RFX3: variants seen among roughly 807,000 people sequenced by gnomAD.
RFX3 encodes transcription factor RFX3.
A neutral mutation model predicts 98.6 loss-of-function variants in RFX3; 14 were observed. The ratio of observed to expected loss-of-function variants is 0.14; its 90% CI spans 0.09 to 0.22. The LOEUF (loss-of-function observed/expected upper bound fraction) is 0.22, where lower values mean the gene tolerates loss of function less well. Among genes scored for constraint, RFX3 ranks in the 10% least tolerant of loss-of-function variants. The probability of loss-of-function intolerance (pLI) is 1.00; values close to 1 mark genes in which losing one functional copy is unlikely to be tolerated. For missense variants in RFX3, 639 were observed against 926.9 expected (o/e 0.69, Z 4.03); for synonymous variants, 383 against 328.4 (o/e 1.17, Z -1.80).
At chr9:3,364,267 T>C (rs1836795763) in intron 2 of RFX3, 1 of 155,918 alleles carries the variant, frequency 6.4e-6, no homozygotes, top group Non-Finnish European at 1.4e-5. Context: ...CTTTTTTTTT[T>C]CAATTTGAAA....
At chr9:3,283,155 T>A (rs1826130369) in intron 7 of RFX3, among the ~76,000 whole-genome samples, 1 of 151,728 alleles carries the variant, frequency 6.6e-6, no homozygotes, top group African/African-American at 2.4e-5. Context: ...CAATCAAAGT[T>A]AGAAACCACT....
rs1828399354 is a variant in RFX3, at chr9:3,299,552, T to C, written c.549+1994A>G. Among the ~76,000 whole-genome samples the C allele has an allele frequency of 2.0e-5, 3 of 151,770 alleles. No homozygotes were observed. The South Asian group carries it at 6.2e-4, about 31-fold the overall frequency. On this transcript the variant is annotated intron_variant, in intron 5 of 16. Coordinates refer to ENST00000617270, the MANE Select transcript of RFX3 (RefSeq NM_001282116.2). ...AGGATAGTTGGAGAAAGATTACCACTGCACAATCAACATTTGCGCCCACTC... is the reference window on the plus strand; with the variant it reads ...AGGATAGTTGGAGAAAGATTACCACCGCACAATCAACATTTGCGCCCACTC...
In RFX3 at chr9:3,424,359, T is replaced by G. The variant is rs1040815417; in HGVS notation, c.-8-28763A>C. On this transcript the variant is annotated intron_variant, in intron 1 of 16. Coordinates refer to ENST00000617270, the MANE Select transcript of RFX3 (RefSeq NM_001282116.2). Reference sequence around the variant, plus strand: ...AATTACATAATTGACTTTTTTTTTTTTTTTTTTTTTTTTTTTTTTTGAGAC... The same window carrying G: ...AATTACATAATTGACTTTTTTTTTTGTTTTTTTTTTTTTTTTTTTTGAGAC... Among the ~76,000 whole-genome samples the G allele has an allele frequency of 9.8e-5, 10 of 102,144 alleles. 1 individual carries two copies. The highest frequency in any genetic ancestry group is 3.9e-4 in the African/African-American group (10 of 25,524). The allele number at this position is 102,144 out of a possible 152,430, so 67.0% of individuals were successfully genotyped here.
chr9:3,473,751 G>C (rs138336401), intron 1 of RFX3, among the ~76,000 whole-genome samples: 1 of 152,234 alleles, frequency 6.6e-6, no homozygotes, highest in African/African-American at 2.4e-5. Flanking sequence ...TATTGTTATT[G>C]TAATTAGCTA....
chr9:3,514,934 T>C (rs2133867653), intron 1 of RFX3, among the ~76,000 whole-genome samples: 1 of 152,356 alleles, frequency 6.6e-6, no homozygotes, highest in Non-Finnish European at 1.5e-5. Context: ...TTTCATGTTT[T>C]TTATTAATGA....
intron 1 of RFX3, among the ~76,000 whole-genome samples, chr9:3,433,006 G>A (rs1844787732): frequency 6.6e-6 from 1 of 152,136 alleles, no homozygotes; most frequent in Non-Finnish European, 1.5e-5. Flanking sequence ...CCAAACCCAT[G>A]TATACCTAAA....
chr9:3,442,729 C>T (rs77850935), intron 1 of RFX3, among the ~76,000 whole-genome samples: 4,118 of 152,100 alleles, frequency 0.027, 202 homozygotes, highest in African/African-American at 0.095. Context: ...AAAATTATTC[C>T]AAAGTAAAAA....
chr9:3,424,850 GAAT>G (rs1278700904), intron 1 of RFX3, among the ~76,000 whole-genome samples: 1 of 152,034 alleles, frequency 6.6e-6, no homozygotes, highest in Non-Finnish European at 1.5e-5. Context: ...CTCACAAAAA[GAAT>G]AATACTAGTC....
intron 1 of RFX3, among the ~76,000 whole-genome samples, chr9:3,437,701 C>G (rs576466195): frequency 6.6e-6 from 1 of 151,996 alleles, no homozygotes; most frequent in Non-Finnish European, 1.5e-5. Flanking sequence ...GCTGATTTGC[C>G]GGTTTCAAAA....
At chr9:3,376,834 C>T (rs1446945159) in intron 2 of RFX3, among the ~76,000 whole-genome samples, 5 of 152,168 alleles carry the variant, frequency 3.3e-5, no homozygotes, top group African/African-American at 9.7e-5. Flanking sequence ...CCAACAGACA[C>T]ATGAAAAAAT....
chr9:3,501,149 T>G (rs934027592), intron 1 of RFX3, among the ~76,000 whole-genome samples: 6 of 152,210 alleles, frequency 3.9e-5, no homozygotes, highest in African/African-American at 1.4e-4. Context: ...AGCCTCTTTT[T>G]GGCAAATTCC....
intron 1 of RFX3, among the ~76,000 whole-genome samples, chr9:3,475,782 G>C (rs980664504): frequency 2.0e-5 from 3 of 152,146 alleles, no homozygotes; most frequent in Non-Finnish European, 2.9e-5. Context: ...GATAACTGTG[G>C]GCAGGCTTGA....
intron 7 of RFX3, among the ~76,000 whole-genome samples, chr9:3,279,906 AAAATGCATCAAGATCAACTTT>A (rs1440581986): frequency 6.6e-6 from 1 of 151,888 alleles, no homozygotes; most frequent in Non-Finnish European, 1.5e-5. Flanking sequence ...TGGGAGATGA[AAAATGCATCAAGATCAACTTT>A]TAGGGCAAAG....
intron 14 of RFX3, among the ~76,000 whole-genome samples, chr9:3,251,380 C>T (rs186368292): frequency 2.2e-3 from 339 of 151,746 alleles, no homozygotes; most frequent in Non-Finnish European, 4.2e-3. Context: ...AGGGGTCTTG[C>T]TGTATTGTCC....
chr9:3,246,638 A>G (rs564592156), intron 15 of RFX3, among the ~76,000 whole-genome samples: 1 of 152,332 alleles, frequency 6.6e-6, no homozygotes, highest in African/African-American at 2.4e-5. Flanking sequence ...TAGAGTACTG[A>G]GTCCACGTGC....
intron 2 of RFX3, among the ~76,000 whole-genome samples, chr9:3,354,660 C>A (rs1028224559): frequency 6.6e-6 from 1 of 151,276 alleles, no homozygotes; most frequent in African/African-American, 2.4e-5. Context: ...TTCTGACAAA[C>A]AAAAATACTT....
At chr9:3,356,495 C>T (rs192157674) in intron 2 of RFX3, among the ~76,000 whole-genome samples, 68 of 151,818 alleles carry the variant, frequency 4.5e-4, no homozygotes, top group African/African-American at 1.5e-3. Context: ...AATTTATTCC[C>T]GCAGAGGAAA....
chr9:3,375,895 G>C (rs939485413), intron 2 of RFX3, among the ~76,000 whole-genome samples: 1 of 152,092 alleles, frequency 6.6e-6, no homozygotes, highest in Non-Finnish European at 1.5e-5. Flanking sequence ...ATGAAGCAGA[G>C]GTTGCAGTGA....
rs752306676 is a variant in RFX3, at chr9:3,228,837, C to T, written c.2011+10G>A. 2.0e-5 allele frequency: 32 copies of T among 1,601,600 alleles called. No individual in the cohort carries two copies. Among genetic ancestry groups the T allele is most frequent in the Middle Eastern group, 1.7e-4 (1 of 5,988 alleles). ...AAGTTCTTAAAATGTACATTATTTT[C>T]GATTCTTACCTTTATCCAGATTTCC... On this transcript the variant is annotated intron_variant, in intron 16 of 16. Coordinates refer to ENST00000617270, the MANE Select transcript of RFX3 (RefSeq NM_001282116.2).
Sources: allele counts gnomAD v4.1 joint callset (sites outside exome capture counted in the v4.1 genomes callset), GRCh38; gene constraint gnomAD v4.1.1; transcripts MANE v1.5; gene names NCBI Gene and HGNC (gene_info 2026-07-23, HGNC 2026-07-21).